The following LCP1 variants were observed in gnomAD, a reference collection of about 807,000 sequenced individuals.
The protein encoded by LCP1 is lymphocyte cytosolic protein 1.
Under a neutral mutation model 72.0 loss-of-function variants are expected in LCP1, and 23 were observed. That is an observed-to-expected ratio of 0.32 (90% CI 0.23 to 0.45). The LOEUF (loss-of-function observed/expected upper bound fraction) is 0.45. Among genes scored for constraint, LCP1 ranks in the 20% least tolerant of loss-of-function variants. The pLI, the probability that LCP1 is intolerant of heterozygous loss-of-function variation, is 1.00. For synonymous variants in LCP1, 245 were observed against 275.4 expected, an observed-to-expected ratio of 0.89 and a Z score of 1.09; for missense variants, 571 against 748.3, an observed-to-expected ratio of 0.76 and a Z score of 2.76.
intron 1 of LCP1, among the ~76,000 whole-genome samples, chr13:46,178,556 T>C (rs1004367719): frequency 4.6e-5 from 7 of 152,172 alleles, no homozygotes; most frequent in Admixed American, 4.6e-4. Flanking sequence ...ATTAACACTT[T>C]TTTAAGGAGT....
At chr13:46,178,799 T>C (rs1048368464) in intron 1 of LCP1, among the ~76,000 whole-genome samples, 1 of 152,224 alleles carries the variant, frequency 6.6e-6, no homozygotes, top group Non-Finnish European at 1.5e-5. Context: ...TAAAATCTAC[T>C]ATTAGTAATA....
chr13:46,144,949 G>C (rs1407388865), intron 10 of LCP1, among the ~76,000 whole-genome samples: 1 of 152,208 alleles, frequency 6.6e-6, no homozygotes, highest in Non-Finnish European at 1.5e-5. Context: ...TCCTTGGATA[G>C]CTAGCAAAAT....
At chr13:46,161,448 G>T (rs1053120472) in intron 1 of LCP1, among the ~76,000 whole-genome samples, 2 of 152,054 alleles carry the variant, frequency 1.3e-5, no homozygotes, top group Non-Finnish European at 2.9e-5. Context: ...AGAAACTGTC[G>T]AGGGGTTAAT....
chr13:46,166,976 T>G (rs1449539542), intron 1 of LCP1, among the ~76,000 whole-genome samples: 1 of 152,216 alleles, frequency 6.6e-6, no homozygotes, highest in Admixed American at 6.5e-5. Context: ...TAATTATAAA[T>G]GGCCTTAAAA....
chr13:46,136,443 T>C (rs1489879408), intron 13 of LCP1, among the ~76,000 whole-genome samples: 1 of 152,086 alleles, frequency 6.6e-6, no homozygotes, highest in Admixed American at 6.5e-5. Context: ...GGACATCTAG[T>C]AAATGAAGGC....
chr13:46,159,745 C>T (rs771062269), intron 1 of LCP1, 59 bp from the exon 2 acceptor site: 9 of 936,660 alleles, frequency 9.6e-6, no homozygotes, highest in Non-Finnish European at 1.5e-5. Flanking sequence ...TAAAATACCA[C>T]ATTAAGAAGC....
intron 13 of LCP1, among the ~76,000 whole-genome samples, chr13:46,138,894 G>T (rs1233085662): frequency 1.3e-5 from 2 of 152,130 alleles, no homozygotes; most frequent in African/African-American, 4.8e-5. Context: ...TGATCCACCC[G>T]CCTCGGCCTC....
Position 46,145,625 on chromosome 13 carries a change from G to C in LCP1, c.1175-1105C>G, listed in dbSNP as rs1265557042. 3.7e-5 allele frequency among the ~76,000 whole-genome samples: 5 copies of C among 135,100 alleles called. 2 individuals are homozygous for C. The highest frequency in any genetic ancestry group is 1.5e-4 in the African/African-American group (5 of 33,086). The allele number at this position is 135,100 out of a possible 152,430, so 88.6% of individuals were successfully genotyped here. A position where few individuals can be genotyped will look rare whatever the true frequency, so the allele number is the denominator to read the frequency against. On this transcript the variant is annotated intron_variant, in intron 10 of 15. Transcript: ENST00000323076. ...GGAAATGGAGCATTTCTAAAAGAGGGCAGGCCGGGCGCGGTGGCTCACGCC... is the reference window on the plus strand; with the variant it reads ...GGAAATGGAGCATTTCTAAAAGAGGCCAGGCCGGGCGCGGTGGCTCACGCC...
At chr13:46,136,074 TACACACAC>T (rs58984200) in intron 13 of LCP1, among the ~76,000 whole-genome samples, 1,833 of 144,016 alleles carry the variant, frequency 0.013, 37 homozygotes, top group East Asian at 0.053. Flanking sequence ...CATCGTGTGC[TACACACAC>T]ACACACACAC....
At chr13:46,159,352 G>A (rs1453695632) in intron 2 of LCP1, 1 of 548,520 alleles carries the variant, frequency 1.8e-6, no homozygotes, top group Non-Finnish European at 3.2e-6. Flanking sequence ...TATAAAAGAT[G>A]AGACTTACAA....
At position 46,144,511 on chromosome 13, in the gene LCP1, C is replaced by T; in HGVS notation, c.1184G>A (p.Arg395Lys). 1 of 1,612,808 alleles carries T rather than the reference C, an allele frequency of 6.2e-7. No homozygotes were observed. Among genetic ancestry groups the T allele is most frequent in the Non-Finnish European group, 8.5e-7 (1 of 1,178,782 alleles). The change falls in exon 11 of 16, where the codon AGA becomes AAA. Residue 395 changes from arginine (R) to lysine (K), a missense_variant. Coordinates refer to ENST00000323076, the MANE Select transcript of LCP1 (RefSeq NM_002298.5). ...IDWGALEGET[R>K]EERTFRNWMN... is the part of the protein sequence containing the mutation. ...CCAGTTCCTAAATGTCCGCTCTTCT[C>T]TCGTCTCACCTAGATGAATGAAGAT... is the stretch of plus-strand genomic sequence containing the variant.
chr13:46,162,645 A>G (rs182473772), intron 1 of LCP1, among the ~76,000 whole-genome samples: 2,655 of 151,844 alleles, frequency 0.017, 77 homozygotes, highest in African/African-American at 0.059. Flanking sequence ...GATCTCGGCT[A>G]GCTACAACCT....
At chr13:46,155,402 A>T (rs373413544) in intron 5 of LCP1, among the ~76,000 whole-genome samples, 97 of 152,354 alleles carry the variant, frequency 6.4e-4, no homozygotes, top group African/African-American at 2.0e-3. Flanking sequence ...GGGTCTTAGA[A>T]GGTAAAACTA....
At chr13:46,137,082 C>A (rs2045669330) in intron 13 of LCP1, among the ~76,000 whole-genome samples, 1 of 152,114 alleles carries the variant, frequency 6.6e-6, no homozygotes, top group African/African-American at 2.4e-5. Flanking sequence ...TTATTCCATG[C>A]TGGGGTTTGA....
chr13:46,157,285 T>C (rs1250638516), intron 4 of LCP1, among the ~76,000 whole-genome samples: 2 of 151,954 alleles, frequency 1.3e-5, no homozygotes, highest in East Asian at 3.8e-4. Context: ...TAAATACAAA[T>C]GTGGTATAAT....
intron 6 of LCP1, among the ~76,000 whole-genome samples, chr13:46,154,053 A>C (rs964404914): frequency 2.6e-5 from 4 of 152,248 alleles, no homozygotes; most frequent in African/African-American, 9.6e-5. Context: ...AAGAACTATC[A>C]GAAGAAAAGT....
intron 6 of LCP1, among the ~76,000 whole-genome samples, chr13:46,153,794 G>A (rs1008806390): frequency 1.3e-5 from 2 of 152,056 alleles, no homozygotes; most frequent in Non-Finnish European, 2.9e-5. Context: ...GATTTGTTGA[G>A]TATCTGTAAT....
chr13:46,133,600 T>C (rs2045646180), intron 14 of LCP1, among the ~76,000 whole-genome samples: 1 of 151,864 alleles, frequency 6.6e-6, no homozygotes, highest in Non-Finnish European at 1.5e-5. Context: ...TACCCCAGCC[T>C]GGGTGACAGA....
chr13:46,159,229 C>T lies in LCP1; in HGVS notation c.65-240G>A, dbSNP rs1380032351. On this transcript the variant is annotated intron_variant, in intron 2 of 15. Transcript: ENST00000323076. ...TAATTTCTATAAGGTACCTCTGTTT[C>T]CACAAAGAACTCTTATAGAAACTCT... 7 of 529,612 alleles carry T rather than the reference C, an allele frequency of 1.3e-5. No individual in the cohort carries two copies. In the East Asian group the frequency reaches 1.5e-4, roughly 11 times the overall value. The allele number at this position is 529,612 out of a possible 1,614,324, so 32.8% of individuals were successfully genotyped here.
Sources: gnomAD v4.1 joint callset for allele counts (sites outside exome capture counted in the v4.1 genomes callset) on GRCh38, gnomAD v4.1.1 for gene constraint, MANE v1.5 for transcripts, NCBI Gene and HGNC (gene_info 2026-07-23, HGNC 2026-07-21) for gene names.